The following XKR9 variants were observed in gnomAD, a reference collection of about 807,000 sequenced individuals.
The protein encoded by XKR9 is XK related 9.
In XKR9, 32 loss-of-function variants were observed where a neutral mutation model predicts 32.0. The ratio of observed to expected loss-of-function variants is 1.00; its 90% CI spans 0.76 to 1.34. XKR9 has a LOEUF of 1.34. Ranked by LOEUF, XKR9 falls within the 40% of genes most tolerant of loss-of-function variation. The pLI is 0.00. For synonymous variants in XKR9, 168 were observed against 143.4 expected (o/e 1.17, Z -1.22); for missense variants, 546 against 429.7 (o/e 1.27, Z -2.39).
At chr8:70,679,623 G>A (rs1819006607) in intron 2 of XKR9, among the ~76,000 whole-genome samples, 1 of 152,134 alleles carries the variant, frequency 6.6e-6, no homozygotes, top group South Asian at 2.1e-4. Context: ...GACTAATCTA[G>A]CATAGAAGAT....
chr8:71,001,461 C>T, the XKR9 span, among the ~76,000 whole-genome samples: 11 of 152,110 alleles, frequency 7.2e-5, 1 homozygote, highest in Non-Finnish European at 1.6e-4. Flanking sequence ...CAGCATTTTG[C>T]TATGTTGCCT....
At chr8:70,873,160 C>T in the XKR9 span, among the ~76,000 whole-genome samples, 1 of 152,194 alleles carries the variant, frequency 6.6e-6, no homozygotes, top group South Asian at 2.1e-4. Context: ...AAAGATTCCT[C>T]TCAAAAGATT....
the XKR9 span, among the ~76,000 whole-genome samples, chr8:70,806,623 A>C: frequency 6.6e-6 from 1 of 152,218 alleles, no homozygotes; most frequent in Admixed American, 6.5e-5. Context: ...TGAAGGATAC[A>C]CAAGTATCAA....
At chr8:70,827,362 C>T in the XKR9 span, among the ~76,000 whole-genome samples, 8 of 152,250 alleles carry the variant, frequency 5.3e-5, 1 homozygote, top group South Asian at 1.7e-3. Context: ...AAAGTTAAGA[C>T]TCAACATTAT....
the XKR9 span, among the ~76,000 whole-genome samples, chr8:70,927,350 G>T: frequency 8.2e-3 from 1,243 of 152,182 alleles, 9 homozygotes; most frequent in Non-Finnish European, 0.013. Flanking sequence ...AGAAATGCAG[G>T]GCAGTGGGTG....
downstream of XKR9, among the ~76,000 whole-genome samples, chr8:70,739,461 A>C (rs1164678682): frequency 2.6e-5 from 4 of 152,266 alleles, no homozygotes; most frequent in East Asian, 7.7e-4. Context: ...CATTTAGTCC[A>C]TTTACATTTA....
At chr8:70,898,155 T>A in the XKR9 span, among the ~76,000 whole-genome samples, 1 of 152,208 alleles carries the variant, frequency 6.6e-6, no homozygotes, top group Admixed American at 6.5e-5. Context: ...CCAGCAGTAT[T>A]TATTGAAGAG....
the XKR9 span, among the ~76,000 whole-genome samples, chr8:70,978,974 T>A: frequency 6.6e-6 from 1 of 152,226 alleles, no homozygotes. Flanking sequence ...TCTCACTTCA[T>A]TTCATTAATT....
chr8:70,914,410 G>A, the XKR9 span, among the ~76,000 whole-genome samples: 3 of 152,118 alleles, frequency 2.0e-5, no homozygotes, highest in Non-Finnish European at 4.4e-5. Flanking sequence ...ATTTAGCATT[G>A]TCAGTCTTTT....
intron 1 of XKR9, among the ~76,000 whole-genome samples, chr8:70,671,036 T>C (rs901047095): frequency 6.6e-6 from 1 of 152,196 alleles, no homozygotes; most frequent in Non-Finnish European, 1.5e-5. Context: ...ATTTCCTTAC[T>C]TAACTTACTT....
the XKR9 span, among the ~76,000 whole-genome samples, chr8:70,910,058 G>T: frequency 1.3e-5 from 2 of 151,714 alleles, no homozygotes; most frequent in East Asian, 3.9e-4. Context: ...TGTATAGTAG[G>T]TGCTCAATAA....
the XKR9 span, among the ~76,000 whole-genome samples, chr8:70,899,265 C>T: frequency 2.0e-5 from 3 of 151,890 alleles, no homozygotes; most frequent in African/African-American, 7.3e-5. Flanking sequence ...TCATGACTCT[C>T]TAAATTTATT....
At chr8:70,999,087 C>G in the XKR9 span, among the ~76,000 whole-genome samples, 10 of 152,098 alleles carry the variant, frequency 6.6e-5, no homozygotes, top group African/African-American at 2.4e-4. Context: ...GTCTCTCTCT[C>G]TCTTGCATAG....
chr8:70,704,705 T>G (rs1031151051), intron 3 of XKR9, among the ~76,000 whole-genome samples: 1 of 152,318 alleles, frequency 6.6e-6, no homozygotes, highest in Middle Eastern at 3.4e-3. Flanking sequence ...CTTGTGAATT[T>G]CTCAAGTTTT....
At chr8:70,994,361 G>A in the XKR9 span, among the ~76,000 whole-genome samples, 1 of 151,958 alleles carries the variant, frequency 6.6e-6, no homozygotes, top group Non-Finnish European at 1.5e-5. Context: ...ACTATCGATA[G>A]ATAATTTTGC....
the XKR9 span, among the ~76,000 whole-genome samples, chr8:70,820,370 G>C: frequency 5.3e-5 from 8 of 152,152 alleles, no homozygotes; most frequent in South Asian, 2.1e-4. Context: ...TTTGGATCAT[G>C]GTCCTGCAAA....
intron 3 of XKR9, among the ~76,000 whole-genome samples, chr8:70,685,793 G>A (rs201987594): frequency 6.9e-6 from 1 of 144,366 alleles, no homozygotes; most frequent in Non-Finnish European, 1.5e-5. Flanking sequence ...TAAATGATGA[G>A]TTAATGGGTG....
chr8:70,817,061 T>C, the XKR9 span, among the ~76,000 whole-genome samples: 897 of 152,172 alleles, frequency 5.9e-3, 13 homozygotes, highest in African/African-American at 0.021. Flanking sequence ...TAGAAAACCC[T>C]AAAGACTCCA....
chr8:70,776,175 A>G (rs1265265225), intron 2 of XKR9, among the ~76,000 whole-genome samples: 2 of 152,118 alleles, frequency 1.3e-5, no homozygotes, highest in Non-Finnish European at 2.9e-5. Flanking sequence ...ACTCTTTGCA[A>G]GTGAAGTCAT....
Sources: allele counts gnomAD v4.1 joint callset (sites outside exome capture counted in the v4.1 genomes callset), GRCh38; gene constraint gnomAD v4.1.1; transcripts MANE v1.5; gene names NCBI Gene and HGNC (gene_info 2026-07-23, HGNC 2026-07-21).